Variants in ARHGAP6 observed in about 807,000 individuals in gnomAD.
ARHGAP6 encodes the protein rho GTPase-activating protein 6.
Under a neutral mutation model 55.7 loss-of-function variants are expected in ARHGAP6, and 16 were observed. That is an observed-to-expected ratio of 0.29 (90% confidence interval 0.19 to 0.44). ARHGAP6 has a LOEUF of 0.44. ARHGAP6 is among the 20% of genes least tolerant of loss of function. The pLI is 1.00. For missense variants in ARHGAP6, 698 were observed against 808.9 expected, an observed-to-expected ratio of 0.86 and a Z score of 1.66; for synonymous variants, 382 against 360.9, an observed-to-expected ratio of 1.06 and a Z score of -0.66.
At chrX:11,489,217 A>C (rs1018350101) in intron 1 of ARHGAP6, among the ~76,000 whole-genome samples, 1 of 111,820 alleles carries the variant, frequency 8.9e-6, no homozygotes, top group African/African-American at 3.3e-5. Context: ...CAGATGCTCA[A>C]ACAACAGCAA....
intron 1 of ARHGAP6, among the ~76,000 whole-genome samples, chrX:11,325,737 T>C (rs2048489375): frequency 8.9e-6 from 1 of 112,656 alleles, no homozygotes; most frequent in Non-Finnish European, 1.9e-5. Context: ...AAAGTAGTTA[T>C]GCTATTTTGC....
chrX:11,411,183 T>TTATATATATATATATATATATATATA (rs201875323), intron 1 of ARHGAP6, among the ~76,000 whole-genome samples: 6 of 31,787 alleles, frequency 1.9e-4, no homozygotes, highest in Non-Finnish European at 2.9e-4. Context: ...CAGACATTAT[T>TTATATATATATATATATATATATATA]TATATATATA....
intron 1 of ARHGAP6, among the ~76,000 whole-genome samples, chrX:11,404,525 T>C (rs1316121896): frequency 3.6e-5 from 4 of 112,096 alleles, no homozygotes; most frequent in African/African-American, 1.3e-4. Flanking sequence ...AAAGAAAGTA[T>C]CACTGTCTGC....
At chrX:11,406,895 T>C (rs182191477) in intron 1 of ARHGAP6, among the ~76,000 whole-genome samples, 1 of 109,309 alleles carries the variant, frequency 9.1e-6, no homozygotes, top group Non-Finnish European at 1.9e-5. Context: ...AATAAGTAAA[T>C]GTGCCTAGAC....
intron 1 of ARHGAP6, among the ~76,000 whole-genome samples, chrX:11,419,279 G>C (rs147474954): frequency 2.4e-3 from 264 of 112,142 alleles, no homozygotes; most frequent in Non-Finnish European, 3.7e-3. Flanking sequence ...CATTGGCGTA[G>C]TTCATTCCTC....
intron 1 of ARHGAP6, among the ~76,000 whole-genome samples, chrX:11,314,577 G>A (rs2048335281): frequency 8.9e-6 from 1 of 112,258 alleles, no homozygotes; most frequent in Non-Finnish European, 1.9e-5. Flanking sequence ...TTTTGCTAAG[G>A]ATAATGGCCT....
chrX:11,574,477 C>T (rs1177504888), intron 1 of ARHGAP6, among the ~76,000 whole-genome samples: 2 of 108,432 alleles, frequency 1.8e-5, no homozygotes, highest in Non-Finnish European at 3.8e-5. Context: ...ACAAAAACCA[C>T]ATGATTATCT....
chrX:11,645,164 G>T (rs780141519), intron 1 of ARHGAP6, among the ~76,000 whole-genome samples: 2 of 111,576 alleles, frequency 1.8e-5, no homozygotes, highest in South Asian at 7.4e-4. Flanking sequence ...ACAGATCAGT[G>T]GTTGCCAGTA....
At chrX:11,442,721 G>A (rs2050052161) in intron 1 of ARHGAP6, among the ~76,000 whole-genome samples, 1 of 111,994 alleles carries the variant, frequency 8.9e-6, no homozygotes, top group African/African-American at 3.2e-5. Context: ...TTGCCATGGG[G>A]TGTGTGGAGC....
intron 2 of ARHGAP6, among the ~76,000 whole-genome samples, chrX:11,248,274 G>A: frequency 9.0e-6 from 1 of 111,593 alleles, no homozygotes. Flanking sequence ...TGGTGTTAAG[G>A]CACTGAGTGG....
chrX:11,204,972 T>C (rs998566387), intron 2 of ARHGAP6, among the ~76,000 whole-genome samples: 7 of 111,555 alleles, frequency 6.3e-5, no homozygotes, highest in African/African-American at 2.0e-4. Flanking sequence ...GTAGTCCCCA[T>C]TGCTGCAGAA....
At position 11,300,209 on chromosome X, in the gene ARHGAP6, G is replaced by A. The variant is rs754750624; in HGVS notation, c.589-45502C>T. On this transcript the variant is annotated intron_variant, in intron 1 of 12. Coordinates refer to ENST00000337414, the MANE Select transcript of ARHGAP6 (RefSeq NM_013427.3). ...TCTTGACAAAGCTATTTATGGAAAG[G>A]TGACTTTGGGCAGATAGTTTGAACT... 4.5e-5 allele frequency among the ~76,000 whole-genome samples: 5 copies of A among 111,710 alleles called. No individual in the cohort carries two copies. The East Asian group carries it at 1.4e-3, about 31-fold the overall frequency.
At chrX:11,588,175 T>C (rs1009347900) in intron 1 of ARHGAP6, among the ~76,000 whole-genome samples, 2 of 112,025 alleles carry the variant, frequency 1.8e-5, no homozygotes, top group African/African-American at 6.5e-5. Flanking sequence ...TAAAGGAATC[T>C]GAGAGGGCTT....
intron 1 of ARHGAP6, among the ~76,000 whole-genome samples, chrX:11,260,368 G>T (rs761864306): frequency 4.5e-5 from 5 of 111,128 alleles, no homozygotes. Flanking sequence ...GGGCATGCTC[G>T]CAGACACTTA....
At chrX:11,249,981 TTAA>T (rs1333238021) in intron 2 of ARHGAP6, among the ~76,000 whole-genome samples, 2 of 112,073 alleles carry the variant, frequency 1.8e-5, no homozygotes, top group Non-Finnish European at 3.8e-5. Context: ...TATTATTTTC[TTAA>T]TGATGATTGT....
intron 1 of ARHGAP6, among the ~76,000 whole-genome samples, chrX:11,591,373 TTTAA>T (rs1325417319): frequency 8.3e-5 from 9 of 108,383 alleles, no homozygotes; most frequent in African/African-American, 2.3e-4. Flanking sequence ...TTTTATTAAT[TTTAA>T]TTATTTAATT....
intron 1 of ARHGAP6, chrX:11,334,816 TC>T: frequency 4.9e-6 from 1 of 204,203 alleles, no homozygotes; most frequent in South Asian, 8.5e-5. Flanking sequence ...AGTTTCTTTT[TC>T]TTTGCCACTA....
chrX:11,566,964 A>C (rs2147101258), intron 1 of ARHGAP6, among the ~76,000 whole-genome samples: 1 of 112,261 alleles, frequency 8.9e-6, no homozygotes, highest in South Asian at 3.7e-4. Flanking sequence ...CATAATTTCC[A>C]AAAGCTTTAC....
intron 1 of ARHGAP6, chrX:11,296,662 T>C (rs1313981973): frequency 1.2e-6 from 1 of 857,166 alleles, no homozygotes; most frequent in Non-Finnish European, 1.7e-6. Flanking sequence ...TAAAGTAGCT[T>C]CAGTCTCCTT....
Sources: gnomAD v4.1 joint callset for allele counts (sites outside exome capture counted in the v4.1 genomes callset) on GRCh38, gnomAD v4.1.1 for gene constraint, MANE v1.5 for transcripts, NCBI Gene and HGNC (gene_info 2026-07-23, HGNC 2026-07-21) for gene names.